PRKN: variants seen among roughly 807,000 people sequenced by gnomAD.
PRKN encodes the protein E3 ubiquitin-protein ligase parkin.
Under a neutral mutation model 59.5 loss-of-function variants are expected in PRKN, and 56 were observed. That is an observed-to-expected ratio of 0.94 (90% CI 0.76 to 1.18). PRKN has a LOEUF of 1.18. PRKN is among the 50% of genes most tolerant of loss of function. PRKN has a pLI of 0.00. For missense variants in PRKN, 657 were observed against 596.4 expected (o/e 1.10, Z -1.06); for synonymous variants, 250 against 222.1 (o/e 1.13, Z -1.12).
intron 1 of PRKN, among the ~76,000 whole-genome samples, chr6:162,715,332 C>T (rs1477038605): frequency 2.0e-5 from 3 of 152,104 alleles, no homozygotes; most frequent in East Asian, 1.9e-4. Flanking sequence ...AGTATGAGCA[C>T]GCTTATTCCC....
intron 7 of PRKN, among the ~76,000 whole-genome samples, chr6:161,730,653 C>T (rs138603196): frequency 3.8e-4 from 38 of 99,010 alleles, no homozygotes; most frequent in Middle Eastern, 0.024. Context: ...TGTTGCCCTC[C>T]GATATGTTGC....
chr6:162,675,733 A>C (rs1301851906), intron 1 of PRKN, among the ~76,000 whole-genome samples: 1 of 152,202 alleles, frequency 6.6e-6, no homozygotes, highest in Admixed American at 6.5e-5. Context: ...AGATTTAATA[A>C]AATTCTAATA....
At chr6:161,822,793 T>C (rs1792086624) in intron 6 of PRKN, among the ~76,000 whole-genome samples, 1 of 152,266 alleles carries the variant, frequency 6.6e-6, no homozygotes, top group Non-Finnish European at 1.5e-5. Context: ...ACATTGTTTA[T>C]GTGAGAATTA....
chr6:162,151,681 T>C (rs1261841289), intron 4 of PRKN, among the ~76,000 whole-genome samples: 1 of 152,120 alleles, frequency 6.6e-6, no homozygotes, highest in Non-Finnish European at 1.5e-5. Context: ...CCATGGACCA[T>C]AACCAATGAA....
chr6:161,877,964 A>C (rs1794798302), intron 6 of PRKN, among the ~76,000 whole-genome samples: 2 of 151,860 alleles, frequency 1.3e-5, no homozygotes, highest in South Asian at 4.3e-4. Context: ...ATTTTATGCA[A>C]AAGGGATGTG....
chr6:161,533,515 T>C lies in PRKN; in HGVS notation c.1083+15339A>G, dbSNP rs1328344536. Among the ~76,000 whole-genome samples the C allele has an allele frequency of 6.6e-6, 1 of 152,044 alleles. No homozygotes were observed. Among genetic ancestry groups the C allele is most frequent in the Non-Finnish European group, 1.5e-5 (1 of 68,008 alleles). On this transcript the variant is annotated intron_variant, in intron 9 of 11. Coordinates refer to ENST00000366898, the MANE Select transcript of PRKN (RefSeq NM_004562.3). This position sits in a 1 kb window ranked among gnomAD's most constrained non-coding sequence, Gnocchi z 4.1. ...CTCTTTTTGCCAGCCACGTGTCCAG[T>C]AAGGAGCAGACAAGATAGCCCCACC...
intron 5 of PRKN, among the ~76,000 whole-genome samples, chr6:162,017,623 C>A (rs1782977743): frequency 6.6e-6 from 1 of 152,138 alleles, no homozygotes; most frequent in Non-Finnish European, 1.5e-5. Flanking sequence ...TTCTTCACGA[C>A]AAATATAGTT....
chr6:162,161,947 T>C lies in PRKN; in HGVS notation c.534+39184A>G, dbSNP rs77588217. The stretch of plus-strand genomic sequence containing the variant: ...AATTAAGCTTTGTCATAGGTATGCA[T>C]GTATAGGAAAAAACAGTACAGTTTG... On this transcript the variant is annotated intron_variant, in intron 4 of 11. Coordinates refer to ENST00000366898, the MANE Select transcript of PRKN (RefSeq NM_004562.3). Among the ~76,000 whole-genome samples the C allele has an allele frequency of 7.2e-3, 1,092 of 152,272 alleles. 10 individuals are homozygous for C. Among genetic ancestry groups the C allele is most frequent in the Non-Finnish European group, 0.011 (760 of 68,024 alleles).
rs189382456 is a variant in PRKN, at chr6:162,069,624, A to C, written c.535-15450T>G. Among the ~76,000 whole-genome samples, 569 of 152,320 alleles carry C rather than the reference A, an allele frequency of 3.7e-3. 2 individuals carry two copies. The highest frequency in any genetic ancestry group is 0.013 in the African/African-American group (543 of 41,582). ...TAGAGCAAGAACGTATTATAGAAGC[A>C]GTTAACTAAAAGGCTCACTACGGTT... On this transcript the variant is annotated intron_variant, in intron 4 of 11. Coordinates refer to ENST00000366898, the MANE Select transcript of PRKN (RefSeq NM_004562.3).
intron 7 of PRKN, among the ~76,000 whole-genome samples, chr6:161,780,215 C>T (rs967682401): frequency 4.6e-5 from 7 of 152,170 alleles, no homozygotes; most frequent in Non-Finnish European, 1.0e-4. Flanking sequence ...TAGTAAGATT[C>T]AGAGCCAGCA....
intron 1 of PRKN, among the ~76,000 whole-genome samples, chr6:162,599,675 A>C (rs1781625858): frequency 6.6e-6 from 1 of 152,184 alleles, no homozygotes; most frequent in African/African-American, 2.4e-5. Flanking sequence ...ACACGACAGC[A>C]CACGTGGCCA....
intron 2 of PRKN, among the ~76,000 whole-genome samples, chr6:162,363,006 T>C (rs1221400193): frequency 6.6e-6 from 1 of 151,216 alleles, no homozygotes. Context: ...TGGGCGCCTG[T>C]AGTCACAGCT....
At chr6:162,506,180 G>A (rs1309391457) in intron 1 of PRKN, among the ~76,000 whole-genome samples, 1 of 139,226 alleles carries the variant, frequency 7.2e-6, no homozygotes, top group African/African-American at 2.7e-5. Context: ...TGATAATAGA[G>A]ACAGCAAATG....
chr6:161,909,185 C>T (rs1050825803), intron 6 of PRKN, among the ~76,000 whole-genome samples: 2 of 152,168 alleles, frequency 1.3e-5, no homozygotes, highest in African/African-American at 2.4e-5. Flanking sequence ...TGTTAATGAG[C>T]ATCACAATAG....
At chr6:162,355,453 T>TAC (rs919041910) in intron 2 of PRKN, among the ~76,000 whole-genome samples, 3 of 151,840 alleles carry the variant, frequency 2.0e-5, no homozygotes, top group East Asian at 1.9e-4. Flanking sequence ...TAGATATATA[T>TAC]ACACACACAC....
At chr6:161,706,603 T>C (rs950230803) in intron 7 of PRKN, among the ~76,000 whole-genome samples, 3 of 151,706 alleles carry the variant, frequency 2.0e-5, no homozygotes, top group Non-Finnish European at 4.4e-5. Flanking sequence ...TGACTTTTTT[T>C]TTACAGTCTC....
intron 5 of PRKN, among the ~76,000 whole-genome samples, chr6:162,040,572 ATTTTTTTT>A (rs35272845): frequency 8.8e-6 from 1 of 113,082 alleles, no homozygotes; most frequent in Non-Finnish European, 1.8e-5. Context: ...ATGCCCGGCT[ATTTTTTTT>A]TTTTTTTTTT....
At chr6:162,640,600 A>G (rs980472655) in intron 1 of PRKN, among the ~76,000 whole-genome samples, 1 of 152,236 alleles carries the variant, frequency 6.6e-6, no homozygotes, top group African/African-American at 2.4e-5. Context: ...CAATTAAATT[A>G]GTCTCATCAG....
rs1790923629 is a variant in PRKN at position 161,473,886 on chromosome 6, A to T, written c.1083+74968T>A. On this transcript the variant is annotated intron_variant, in intron 9 of 11. Coordinates refer to ENST00000366898, the MANE Select transcript of PRKN (RefSeq NM_004562.3). This position sits in a 1 kb window ranked among gnomAD's most constrained non-coding sequence, Gnocchi z 4.1. ...AAGAAAGGAGAGCAGGTGGAGTGGC[A>T]TTTTTATATACAAGATCGCTAGGAT... is the stretch of plus-strand genomic sequence containing the variant. Among the ~76,000 whole-genome samples the T allele has an allele frequency of 6.6e-6, 1 of 152,116 alleles. No individual in the cohort carries two copies. The highest frequency in any genetic ancestry group is 2.4e-5 in the African/African-American group (1 of 41,434).
Sources: gnomAD v4.1 joint callset for allele counts (sites outside exome capture counted in the v4.1 genomes callset) on GRCh38, gnomAD v4.1.1 for gene constraint, Gnocchi (gnomAD v3.1) non-coding constraint, MANE v1.5 for transcripts, NCBI Gene and HGNC (gene_info 2026-07-23, HGNC 2026-07-21) for gene names.